Variants in SAMD12 observed in about 807,000 individuals in gnomAD.
The protein encoded by SAMD12 is sterile alpha motif domain containing 12.
SAMD12 carries 9 observed loss-of-function variants against 15.0 expected under a neutral mutation model. That is an observed-to-expected ratio of 0.60 (90% CI 0.36 to 1.05). The LOEUF is 1.05. Among genes scored for constraint, SAMD12 ranks in the 50% least tolerant of loss-of-function variants. SAMD12 has a pLI of 0.01. For missense variants in SAMD12, 230 were observed against 234.2 expected (o/e 0.98, Z 0.12); for synonymous variants, 86 against 90.1 (o/e 0.96, Z 0.25).
chr8:118,495,804 G>A (rs1410993211), intron 2 of SAMD12, among the ~76,000 whole-genome samples: 3 of 152,060 alleles, frequency 2.0e-5, no homozygotes, highest in East Asian at 3.9e-4. Flanking sequence ...TTAAATGTTG[G>A]CTAATGTGTT....
intron 2 of SAMD12, among the ~76,000 whole-genome samples, chr8:118,548,114 A>C (rs935815095): frequency 7.9e-5 from 12 of 152,216 alleles, no homozygotes; most frequent in African/African-American, 2.7e-4. Flanking sequence ...ACAAAGAATG[A>C]AATTACACAG....
chr8:118,477,829 C>T (rs7831311), intron 2 of SAMD12, among the ~76,000 whole-genome samples: 5,177 of 151,674 alleles, frequency 0.034, 300 homozygotes, highest in African/African-American at 0.12. Flanking sequence ...CTGGCTAACA[C>T]GGTGAAACCC....
chr8:118,435,864 C>T (rs150183307), intron 3 of SAMD12, among the ~76,000 whole-genome samples: 1 of 152,252 alleles, frequency 6.6e-6, no homozygotes, highest in East Asian at 1.9e-4. Context: ...TTACAACCAG[C>T]TCAAGGGAGA....
At chr8:118,289,911 A>G (rs1217625069) in intron 4 of SAMD12, among the ~76,000 whole-genome samples, 2 of 152,212 alleles carry the variant, frequency 1.3e-5, no homozygotes, top group East Asian at 3.8e-4. Flanking sequence ...AGAAAGATCT[A>G]ACTACATTTC....
intron 2 of SAMD12, among the ~76,000 whole-genome samples, chr8:118,464,585 A>G (rs571728089): frequency 1.3e-5 from 2 of 152,324 alleles, no homozygotes; most frequent in African/African-American, 4.8e-5. Flanking sequence ...AAAAGTCAAG[A>G]AGGTAAAGAG....
chr8:118,482,504 CT>C (rs1297507096), intron 2 of SAMD12, among the ~76,000 whole-genome samples: 2 of 152,096 alleles, frequency 1.3e-5, no homozygotes, highest in South Asian at 2.1e-4. Context: ...TATGTACAGA[CT>C]TTTCCCCCTT....
intron 4 of SAMD12, among the ~76,000 whole-genome samples, chr8:118,327,767 A>G (rs952875216): frequency 6.6e-6 from 1 of 152,158 alleles, no homozygotes; most frequent in African/African-American, 2.4e-5. Context: ...GAAGGCCCCA[A>G]CCTTTTATTG....
chr8:118,152,059 A>G, the SAMD12 span, among the ~76,000 whole-genome samples: 2 of 152,136 alleles, frequency 1.3e-5, no homozygotes, highest in African/African-American at 2.4e-5. Flanking sequence ...AGCATGTCCA[A>G]TTTTGGTCTT....
intron 4 of SAMD12, among the ~76,000 whole-genome samples, chr8:118,326,988 T>C (rs1465215897): frequency 6.6e-6 from 1 of 152,230 alleles, no homozygotes; most frequent in Non-Finnish European, 1.5e-5. Context: ...TGGTCCCTTC[T>C]GTAAAGTAAC....
intron 4 of SAMD12, among the ~76,000 whole-genome samples, chr8:118,322,853 C>T (rs750853402): frequency 1.3e-5 from 2 of 148,910 alleles, no homozygotes; most frequent in Non-Finnish European, 3.0e-5. Context: ...TTTAATCTTA[C>T]ATCTTCATCA....
At chr8:118,318,273 C>A (rs1412223375) in intron 4 of SAMD12, among the ~76,000 whole-genome samples, 1 of 138,320 alleles carries the variant, frequency 7.2e-6, no homozygotes. Flanking sequence ...TTCACAATTG[C>A]CAATGAGTAG....
chr8:118,187,689 A>G (rs1354242031), downstream of SAMD12, among the ~76,000 whole-genome samples: 1 of 152,162 alleles, frequency 6.6e-6, no homozygotes, highest in African/African-American at 2.4e-5. Context: ...TTTTCTTTGT[A>G]TTGGCAAAGT....
At chr8:118,535,370 C>T (rs1156441882) in intron 2 of SAMD12, among the ~76,000 whole-genome samples, 2 of 152,216 alleles carry the variant, frequency 1.3e-5, no homozygotes, top group African/African-American at 2.4e-5. Context: ...TGGAAGATGC[C>T]TCCCAGTTAG....
chr8:118,526,492 A>C (rs1825541960), intron 2 of SAMD12, among the ~76,000 whole-genome samples: 5 of 152,102 alleles, frequency 3.3e-5, no homozygotes, highest in Admixed American at 1.3e-4. Context: ...ATAGGCACCC[A>C]GGTGATTCTG....
chr8:118,529,262 G>A (rs76344361), intron 2 of SAMD12, among the ~76,000 whole-genome samples: 2,048 of 152,252 alleles, frequency 0.013, 57 homozygotes, highest in African/African-American at 0.048. Flanking sequence ...ACTTTTAGTC[G>A]CAATCAGGGG....
At chr8:118,190,180 T>A (rs1819323841) in exon 5 of SAMD12, 1 of 152,198 alleles carries the variant, frequency 6.6e-6, no homozygotes, top group Admixed American at 6.5e-5. Context: ...ATCATTTTTT[T>A]AATCAGATTC....
intron 2 of SAMD12, among the ~76,000 whole-genome samples, chr8:118,452,041 T>C (rs1417037742): frequency 1.3e-5 from 2 of 152,002 alleles, no homozygotes; most frequent in Non-Finnish European, 2.9e-5. Flanking sequence ...CCCTGATACA[T>C]AGGATTAGTG....
intron 1 of SAMD12, among the ~76,000 whole-genome samples, chr8:118,591,289 G>A (rs542244408): frequency 1.3e-5 from 2 of 151,780 alleles, no homozygotes; most frequent in Non-Finnish European, 2.9e-5. Context: ...CTCTATTCTC[G>A]GCCAACACAC....
chr8:118,583,034 G>T (rs1404739896), intron 1 of SAMD12, among the ~76,000 whole-genome samples: 1 of 152,032 alleles, frequency 6.6e-6, no homozygotes, highest in African/African-American at 2.4e-5. Context: ...GTTGACTATG[G>T]CTTTTTCTCC....
Sources: allele counts gnomAD v4.1 joint callset (sites outside exome capture counted in the v4.1 genomes callset), GRCh38; gene constraint gnomAD v4.1.1; transcripts MANE v1.5; gene names NCBI Gene and HGNC (gene_info 2026-07-23, HGNC 2026-07-21).